SYNJ2: variants seen among roughly 807,000 people sequenced by gnomAD.
SYNJ2 encodes the protein polyphosphatidylinositol phosphatase SYNJ2.
SYNJ2 carries 116 observed loss-of-function variants against 141.3 expected under a neutral mutation model. The observed-to-expected ratio is 0.82, with a 90% CI of 0.71 to 0.96. The LOEUF is 0.96. Ranked by LOEUF, SYNJ2 falls within the 40% of genes least tolerant of loss-of-function variation. The pLI, the probability that SYNJ2 is intolerant of heterozygous loss-of-function variation, is 0.00. For missense variants in SYNJ2, 1,873 were observed against 1,934.8 expected (o/e 0.97, Z 0.60); for synonymous variants, 745 against 777.7 (o/e 0.96, Z 0.70).
chr6:158,055,128 C>G lies in SYNJ2; in HGVS notation c.857+100C>G, dbSNP rs562426564. The G allele has an allele frequency of 2.0e-4, 249 of 1,221,174 alleles. 6 individuals are homozygous for G. In the South Asian group the frequency reaches 3.2e-3, roughly 16 times the overall value. The allele number at this position is 1,221,174 out of a possible 1,614,324, so 75.6% of individuals were successfully genotyped here. On this transcript the variant is annotated intron_variant, in intron 6 of 26. Transcript: ENST00000355585. Reference sequence around the variant, plus strand: ...GAGGGTGCGACGGGAAAGGGAGGACCCTGAACCCTGAATCTAAAGCTGCTT... The same window carrying G: ...GAGGGTGCGACGGGAAAGGGAGGACGCTGAACCCTGAATCTAAAGCTGCTT...
intron 5 of SYNJ2, among the ~76,000 whole-genome samples, chr6:158,049,529 G>C (rs986114038): frequency 1.3e-5 from 2 of 152,208 alleles, no homozygotes; most frequent in South Asian, 4.1e-4. Context: ...TCACTGTGTT[G>C]CCTTTCCACC....
chr6:158,069,214 C>G (rs564141147), intron 13 of SYNJ2, among the ~76,000 whole-genome samples: 2 of 152,102 alleles, frequency 1.3e-5, no homozygotes, highest in South Asian at 2.1e-4. Context: ...GCGCTCCCCC[C>G]ACCCCCTGCT....
intron 1 of SYNJ2, among the ~76,000 whole-genome samples, chr6:157,984,413 T>G (rs1023219791): frequency 3.3e-5 from 5 of 152,226 alleles, no homozygotes; most frequent in Non-Finnish European, 4.4e-5. Context: ...TTTTTCTTTT[T>G]TTTGAGATGG....
At chr6:157,993,753 A>T (rs1204712309) in intron 1 of SYNJ2, among the ~76,000 whole-genome samples, 10 of 38,726 alleles carry the variant, frequency 2.6e-4, no homozygotes, top group East Asian at 5.1e-4. Context: ...CTGGACTGTC[A>T]TTTGGCTAGG....
chr6:158,020,254 TCTGACTGTGTGACCC>T (rs1778692949), intron 2 of SYNJ2, among the ~76,000 whole-genome samples: 1 of 141,218 alleles, frequency 7.1e-6, no homozygotes, highest in Non-Finnish European at 1.5e-5. Context: ...CCTGCGTGAC[TCTGACTGTGTGACCC>T]CCACCTGCGT....
intron 4 of SYNJ2, among the ~76,000 whole-genome samples, chr6:158,037,432 C>T (rs976405169): frequency 3.0e-4 from 42 of 140,688 alleles, no homozygotes; most frequent in African/African-American, 4.8e-4. Flanking sequence ...GACGGAGTCT[C>T]GCTCTGTCAC....
chr6:158,028,739 T>C lies in SYNJ2; in HGVS notation c.215-17T>C, dbSNP rs1160271800. On this transcript the variant is annotated splice_polypyrimidine_tract_variant and intron_variant, in intron 2 of 26. Transcript: ENST00000355585. ...CCGACTTCGACCCTGAGCTCTCCTG[T>C]CTGATTTCCTTTCCAGGTGGCACGT... The C allele has an allele frequency of 1.9e-6, 3 of 1,612,532 alleles. No homozygotes were observed. Among genetic ancestry groups the C allele is most frequent in the Non-Finnish European group, 2.5e-6 (3 of 1,178,994 alleles).
chr6:158,076,553 A>G (rs1456571466), intron 16 of SYNJ2, 73 bp from the exon 17 acceptor site: 2 of 1,506,528 alleles, frequency 1.3e-6, no homozygotes, highest in East Asian at 2.3e-5. Flanking sequence ...TTGCCTTTTC[A>G]GTTTTCGTTT....
intron 17 of SYNJ2, chr6:158,077,602 G>A (rs367907216): frequency 3.1e-4 from 44 of 143,682 alleles, no homozygotes; most frequent in African/African-American, 1.1e-3. Flanking sequence ...TTGATGCCCA[G>A]CTAGGAAGTG....
intron 1 of SYNJ2, among the ~76,000 whole-genome samples, chr6:158,010,909 TC>T: frequency 7.2e-6 from 1 of 138,506 alleles, no homozygotes. Context: ...GAGGATGGCC[TC>T]GTGATGACAG....
chr6:157,989,641 G>A (rs193290054), intron 1 of SYNJ2, among the ~76,000 whole-genome samples: 2 of 151,964 alleles, frequency 1.3e-5, no homozygotes, highest in African/African-American at 4.8e-5. Context: ...TGAAGCCCAC[G>A]CTCCTGGGGG....
rs1484661979 is a variant in SYNJ2 at position 158,043,765 on chromosome 6, C to T, written c.795+366C>T. On this transcript the variant is annotated intron_variant, in intron 5 of 26. Transcript: ENST00000355585. This position sits in a 1 kb window ranked among gnomAD's most constrained non-coding sequence, Gnocchi z 4.0. Reference sequence around the variant, plus strand: ...GTGTACTGAGGACGTTTCTGAGAGCCGTGACTCTCATGGAGGGCTTCAGGA... The same window carrying T: ...GTGTACTGAGGACGTTTCTGAGAGCTGTGACTCTCATGGAGGGCTTCAGGA... Among the ~76,000 whole-genome samples the T allele has an allele frequency of 6.6e-6, 1 of 152,098 alleles. No individual in the cohort carries two copies. Among genetic ancestry groups the T allele is most frequent in the Non-Finnish European group, 1.5e-5 (1 of 68,028 alleles).
At position 158,089,825 on chromosome 6, in the gene SYNJ2, A is replaced by G; in HGVS notation, c.3457-14A>G. 1 of 1,605,670 alleles carries G rather than the reference A, an allele frequency of 6.2e-7. No homozygotes were observed. Among genetic ancestry groups the G allele is most frequent in the African/African-American group, 1.3e-5 (1 of 74,874 alleles). On this transcript the variant is annotated splice_polypyrimidine_tract_variant and intron_variant, in intron 24 of 26. Coordinates refer to ENST00000355585, the MANE Select transcript of SYNJ2 (RefSeq NM_003898.4). ...CTCTGCTGATACTCTGCTCTTCCTC[A>G]TTCTGTCCTCAAGCCCAAGGCTCGG...
chr6:158,001,191 A>G (rs894441992), intron 1 of SYNJ2: 4 of 152,352 alleles, frequency 2.6e-5, no homozygotes, highest in African/African-American at 9.6e-5. Flanking sequence ...GGAGAAAAAC[A>G]CAGCCATCTT....
In SYNJ2 at chr6:158,071,479, C is replaced by G. The variant is rs931903924; in HGVS notation, c.1941-123C>G. Reference sequence around the variant, plus strand: ...CGGCCACGGTGGCCACTGTGTTGAGCTGATGATTTTGGAGCACTCAGAGCA... The same window carrying G: ...CGGCCACGGTGGCCACTGTGTTGAGGTGATGATTTTGGAGCACTCAGAGCA... On this transcript the variant is annotated intron_variant, in intron 14 of 26. Transcript: ENST00000355585. This position sits in a 1 kb window ranked among gnomAD's most constrained non-coding sequence, Gnocchi z 4.3. The G allele has an allele frequency of 1.8e-6, 2 of 1,141,362 alleles. No individual in the cohort carries two copies. The highest frequency in any genetic ancestry group is 2.4e-6 in the Non-Finnish European group (2 of 816,562). The allele number at this position is 1,141,362 out of a possible 1,614,324, so 70.7% of individuals were successfully genotyped here.
chr6:157,994,363 G>A (rs1777567667), intron 1 of SYNJ2, among the ~76,000 whole-genome samples: 1 of 152,232 alleles, frequency 6.6e-6, no homozygotes, highest in Non-Finnish European at 1.5e-5. Context: ...ACGTGCTCCA[G>A]GGCAGAACAG....
Position 158,033,544 on chromosome 6 carries a change from G to A in SYNJ2, c.575G>A (p.Arg192His), listed in dbSNP as rs780631032. 2.5e-5 allele frequency: 40 copies of A among 1,614,036 alleles called. No individual in the cohort carries two copies. Among genetic ancestry groups the A allele is most frequent in the East Asian group, 1.8e-4 (8 of 44,890 alleles). Reference protein sequence around the residue: ...LKIICGVVTIRTVYASHKQAK... With the variant: ...LKIICGVVTIHTVYASHKQAK... ...ATCATCTGCGGGGTGGTCACCATCC[G>A]CACCGTGTATGCCTCCCACAAGCAG... The change falls in exon 4 of 27, where the codon CGC becomes CAC. Residue 192 changes from arginine (R) to histidine (H), a missense_variant. Coordinates refer to ENST00000355585, the MANE Select transcript of SYNJ2 (RefSeq NM_003898.4).
Position 158,081,284 on chromosome 6 carries a change from C to T in SYNJ2, c.2743C>T (p.Leu915Phe). The T allele has an allele frequency of 6.2e-7, 1 of 1,614,148 alleles. No individual in the cohort carries two copies. The highest frequency in any genetic ancestry group is 8.5e-7 in the Non-Finnish European group (1 of 1,180,016). Reference sequence around the variant, plus strand: ...GTTTCCAGAGGACCTGCGTACTGAGCTCATGCAGACCTTGGGGAGTTATGG... The same window carrying T: ...GTTTCCAGAGGACCTGCGTACTGAGTTCATGCAGACCTTGGGGAGTTATGG... ...NEFPEDLRTE[L>F]MQTLGSYGTI... Residue 915 changes from leucine (L) to phenylalanine (F), a missense_variant, in exon 19 of 27, where the codon CTC (leucine) becomes TTC (phenylalanine). Transcript: ENST00000355585.
At chr6:158,017,834 G>A (rs1307600124) in intron 2 of SYNJ2, 1 of 521,216 alleles carries the variant, frequency 1.9e-6, no homozygotes. Context: ...GTGCTGGGGA[G>A]CAGGGTGGGG....
Sources: gnomAD v4.1 joint callset for allele counts (sites outside exome capture counted in the v4.1 genomes callset) on GRCh38, gnomAD v4.1.1 for gene constraint, Gnocchi (gnomAD v3.1) non-coding constraint, MANE v1.5 for transcripts, NCBI Gene and HGNC (gene_info 2026-07-23, HGNC 2026-07-21) for gene names.